ADGRL3: variants seen among roughly 807,000 people sequenced by gnomAD.
The protein encoded by ADGRL3 is adhesion G protein-coupled receptor L3.
A neutral mutation model predicts 153.5 loss-of-function variants in ADGRL3; 62 were observed. That is an observed-to-expected ratio of 0.40 (90% CI 0.33 to 0.50). The LOEUF (loss-of-function observed/expected upper bound fraction) is 0.50, where lower values mean the gene tolerates loss of function less well. Among genes scored for constraint, ADGRL3 ranks in the 20% least tolerant of loss-of-function variants. The pLI, the probability that ADGRL3 is intolerant of heterozygous loss-of-function variation, is 0.47. For synonymous variants in ADGRL3, 710 were observed against 672.5 expected (o/e 1.06, Z -0.86); for missense variants, 1,641 against 1,859.4 (o/e 0.88, Z 2.16).
intron 8 of ADGRL3, among the ~76,000 whole-genome samples, chr4:61,747,840 G>A (rs2096689700): frequency 6.6e-6 from 1 of 151,868 alleles, no homozygotes; most frequent in South Asian, 2.1e-4. Flanking sequence ...TCAACATAGT[G>A]TTGGAAGTTC....
intron 9 of ADGRL3, among the ~76,000 whole-genome samples, chr4:61,855,105 A>G (rs1315274730): frequency 1.3e-5 from 2 of 152,174 alleles, no homozygotes; most frequent in African/African-American, 4.8e-5. Flanking sequence ...AGGAAAAATT[A>G]ATGAAATTTT....
At chr4:61,472,597 A>G (rs539869929) in intron 2 of ADGRL3, among the ~76,000 whole-genome samples, 2 of 152,104 alleles carry the variant, frequency 1.3e-5, no homozygotes, top group African/African-American at 2.4e-5. Context: ...GCCATATTCT[A>G]CTTGTTAGAA....
chr4:61,279,931 G>A (rs566621429), intron 1 of ADGRL3, among the ~76,000 whole-genome samples: 15 of 152,098 alleles, frequency 9.9e-5, no homozygotes, highest in African/African-American at 3.6e-4. Context: ...TACTTAATGG[G>A]TAGTAGTAGC....
At chr4:61,437,437 C>T (rs2097462300) in intron 2 of ADGRL3, among the ~76,000 whole-genome samples, 1 of 152,086 alleles carries the variant, frequency 6.6e-6, no homozygotes, top group African/African-American at 2.4e-5. Flanking sequence ...TTGGGCCCCT[C>T]CCATTTTCGT....
chr4:61,813,911 G>A, intron 9 of ADGRL3, 22 bp downstream of exon 9: 1 of 1,611,224 alleles, frequency 6.2e-7, no homozygotes, highest in Non-Finnish European at 8.5e-7. Flanking sequence ...TTTATATGAA[G>A]AAAAAGTAAC....
intron 21 of ADGRL3, among the ~76,000 whole-genome samples, chr4:62,027,329 C>T (rs527692379): frequency 2.0e-5 from 3 of 152,042 alleles, no homozygotes; most frequent in East Asian, 3.9e-4. Flanking sequence ...TGAATGTCCC[C>T]GTCCAGTACT....
intron 5 of ADGRL3, among the ~76,000 whole-genome samples, chr4:61,593,290 C>T (rs1272672515): frequency 6.6e-6 from 1 of 152,092 alleles, no homozygotes; most frequent in Non-Finnish European, 1.5e-5. Flanking sequence ...GCTTATACAT[C>T]ATAATTACAG....
At chr4:61,653,052 T>A (rs547813199) in intron 5 of ADGRL3, among the ~76,000 whole-genome samples, 1 of 151,990 alleles carries the variant, frequency 6.6e-6, no homozygotes, top group South Asian at 2.1e-4. Flanking sequence ...CCTTAACTTA[T>A]TTAAGGTTAA....
chr4:61,591,566 T>A (rs1306409597), intron 5 of ADGRL3, among the ~76,000 whole-genome samples: 1 of 152,152 alleles, frequency 6.6e-6, no homozygotes, highest in South Asian at 2.1e-4. Context: ...TCTGGAGGTA[T>A]GGAAATAGAT....
At chr4:61,803,020 T>C (rs1322809314) in intron 8 of ADGRL3, among the ~76,000 whole-genome samples, 1 of 152,166 alleles carries the variant, frequency 6.6e-6, no homozygotes, top group Non-Finnish European at 1.5e-5. Context: ...ATTTTCTCCT[T>C]TACATTTTTA....
chr4:61,983,406 CCT>C lies in ADGRL3; in HGVS notation c.3040_3041del (p.Leu1014ValfsTer28). The C allele has an allele frequency of 6.2e-7, 1 of 1,613,758 alleles. No individual in the cohort carries two copies. The highest frequency in any genetic ancestry group is 8.5e-7 in the Non-Finnish European group (1 of 1,179,798). ...AGATTGCCTGTGCTGTTTTCGCTGC[CCT>C]GTTACATTTCTTCTTCTTGGCTGCC... ...QPIACAVFAA[L>X]LHFFFLAAFT... On this transcript the variant is annotated frameshift_variant, in exon 19 of 27. Transcript: ENST00000683033. LOFTEE classifies it high-confidence loss of function.
At chr4:61,233,219 A>G (rs17090416) in intron 1 of ADGRL3, among the ~76,000 whole-genome samples, 47,784 of 152,020 alleles carry the variant, frequency 0.31, 7,904 homozygotes, top group African/African-American at 0.42. Flanking sequence ...GCTTCCACAT[A>G]CATACTTTTA....
chr4:61,595,499 C>T (rs536076557), intron 5 of ADGRL3, among the ~76,000 whole-genome samples: 3 of 151,732 alleles, frequency 2.0e-5, no homozygotes, highest in South Asian at 2.1e-4. Context: ...TTCTGCCCGG[C>T]GCCCTATCCT....
intron 4 of ADGRL3, among the ~76,000 whole-genome samples, chr4:61,534,276 C>T (rs1489886190): frequency 8.6e-5 from 13 of 152,012 alleles, no homozygotes; most frequent in East Asian, 3.9e-4. Context: ...CTTTATTTTT[C>T]GTTCTATTCT....
intron 5 of ADGRL3, among the ~76,000 whole-genome samples, chr4:61,601,662 G>A (rs1263001756): frequency 1.3e-5 from 2 of 152,106 alleles, no homozygotes; most frequent in Admixed American, 6.6e-5. Context: ...CATAAATATT[G>A]CAAGTTTAAT....
chr4:61,336,799 A>G (rs757396560), intron 1 of ADGRL3, among the ~76,000 whole-genome samples: 3 of 150,860 alleles, frequency 2.0e-5, no homozygotes, highest in Non-Finnish European at 4.4e-5. Context: ...ATATCTGGGT[A>G]TAAACAGTGT....
chr4:61,200,404 C>A lies in ADGRL3; in HGVS notation c.-1601C>A, dbSNP rs1291386987. Among the ~76,000 whole-genome samples the A allele has an allele frequency of 2.0e-5, 3 of 151,788 alleles. No individual in the cohort carries two copies. Among genetic ancestry groups the A allele is most frequent in the Admixed American group, 2.0e-4 (3 of 15,268 alleles). Reference sequence around the variant, plus strand: ...GGTCCCCGCGCGCCCGCGCTCTGACCCGCTGTCTGCGCGTCGCCCCCCTCG... The same window carrying A: ...GGTCCCCGCGCGCCCGCGCTCTGACACGCTGTCTGCGCGTCGCCCCCCTCG... On this transcript the variant is annotated 5_prime_UTR_variant, in exon 1 of 27. Coordinates refer to ENST00000683033, the MANE Select transcript of ADGRL3 (RefSeq NM_001387552.1).
intron 25 of ADGRL3, among the ~76,000 whole-genome samples, chr4:62,049,038 TA>T (rs2151735317): frequency 6.6e-6 from 1 of 152,288 alleles, no homozygotes; most frequent in East Asian, 1.9e-4. Context: ...TTATATTTGT[TA>T]GGCTTTATGT....
At position 61,868,153 on chromosome 4, in the gene ADGRL3, ATGTCT is replaced by A. The variant is rs546803137; in HGVS notation, c.1481-24501_1481-24497del. On this transcript the variant is annotated intron_variant, in intron 9 of 26. Transcript: ENST00000683033. Reference sequence around the variant, plus strand: ...TCTTTTGTTTGACAATACATAAAATATGTCTTTGGTTCTTAAATATCCTAGAAATA... The same window carrying A: ...TCTTTTGTTTGACAATACATAAAATATTGGTTCTTAAATATCCTAGAAATA... Among the ~76,000 whole-genome samples, 140 of 152,280 alleles carry A rather than the reference ATGTCT, an allele frequency of 9.2e-4. 2 individuals are homozygous for A. The South Asian group carries it at 0.025, about 28-fold the overall frequency.
Sources: allele counts gnomAD v4.1 joint callset (sites outside exome capture counted in the v4.1 genomes callset), GRCh38; gene constraint gnomAD v4.1.1; transcripts MANE v1.5; gene names NCBI Gene and HGNC (gene_info 2026-07-23, HGNC 2026-07-21).